DCC: variants seen among roughly 807,000 people sequenced by gnomAD.
The protein encoded by DCC is netrin receptor DCC.
DCC carries 58 observed loss-of-function variants against 172.5 expected under a neutral mutation model. That is an observed-to-expected ratio of 0.34 (90% CI 0.27 to 0.42). The LOEUF is 0.42. DCC is among the 10% of genes least tolerant of loss of function. DCC has a pLI of 1.00. For synonymous variants in DCC, 709 were observed against 644.5 expected (o/e 1.10, Z -1.52); for missense variants, 1,740 against 1,791.0 (o/e 0.97, Z 0.51).
chr18:53,452,950 C>T (rs2045434751), intron 23 of DCC, among the ~76,000 whole-genome samples: 2 of 152,048 alleles, frequency 1.3e-5, no homozygotes. Context: ...GAGTCTCACT[C>T]TATTGCCCAG....
intron 1 of DCC, among the ~76,000 whole-genome samples, chr18:52,516,030 T>C (rs2031629984): frequency 6.7e-6 from 1 of 149,194 alleles, no homozygotes; most frequent in South Asian, 2.1e-4. Flanking sequence ...ATTGGGGAAA[T>C]ATGAATGGAA....
At chr18:52,498,670 A>AT (rs1162669470) in intron 1 of DCC, among the ~76,000 whole-genome samples, 22 of 152,068 alleles carry the variant, frequency 1.4e-4, no homozygotes, top group African/African-American at 4.1e-4. Flanking sequence ...ATGAATATAT[A>AT]TTTTTTCTCA....
intron 22 of DCC, among the ~76,000 whole-genome samples, chr18:53,441,028 C>T (rs2145130015): frequency 6.6e-6 from 1 of 152,286 alleles, no homozygotes; most frequent in South Asian, 2.1e-4. Context: ...CTGGCCTTTA[C>T]CCACTGGATG....
chr18:53,066,253 T>G (rs528107402), intron 7 of DCC, 87 bp downstream of exon 7: 15 of 1,272,334 alleles, frequency 1.2e-5, no homozygotes, highest in Middle Eastern at 3.7e-4. Context: ...TTCCTACCCC[T>G]CAAGGGCAAT....
intron 1 of DCC, among the ~76,000 whole-genome samples, chr18:52,375,682 A>T (rs141825460): frequency 6.6e-6 from 1 of 152,148 alleles, no homozygotes; most frequent in East Asian, 1.9e-4. Context: ...TTTTAAATGG[A>T]AGTATAGTGG....
chr18:52,346,820 C>T (rs765827722), intron 1 of DCC, among the ~76,000 whole-genome samples: 3 of 152,154 alleles, frequency 2.0e-5, no homozygotes, highest in African/African-American at 7.2e-5. Flanking sequence ...GTAAATTCCA[C>T]GAGCCCAGTG....
At chr18:52,615,755 C>T (rs1050369505) in intron 1 of DCC, among the ~76,000 whole-genome samples, 2 of 152,044 alleles carry the variant, frequency 1.3e-5, no homozygotes, top group African/African-American at 2.4e-5. Context: ...TAAGACCCCT[C>T]CTAGGAGCCT....
At chr18:52,649,997 A>G (rs1342437951) in intron 1 of DCC, among the ~76,000 whole-genome samples, 10 of 65,018 alleles carry the variant, frequency 1.5e-4, no homozygotes, top group Admixed American at 6.3e-4. Flanking sequence ...TTTTTTTTTG[A>G]GATGGAGTAT....
intron 11 of DCC, among the ~76,000 whole-genome samples, chr18:53,208,216 A>C (rs964060746): frequency 2.9e-4 from 44 of 151,540 alleles, no homozygotes; most frequent in African/African-American, 1.1e-3. Context: ...TCAAGACTGC[A>C]GTAAGCTGTG....
At chr18:52,541,767 T>A (rs1385038990) in intron 1 of DCC, among the ~76,000 whole-genome samples, 1 of 151,418 alleles carries the variant, frequency 6.6e-6, no homozygotes, top group Non-Finnish European at 1.5e-5. Context: ...CTGGTCCCTC[T>A]CCACTTTATA....
chr18:53,195,506 T>C (rs1207948035), intron 9 of DCC, among the ~76,000 whole-genome samples: 3 of 152,200 alleles, frequency 2.0e-5, no homozygotes, highest in South Asian at 2.1e-4. Context: ...CAATACGAGA[T>C]GAAATGTGCG....
At chr18:53,299,839 TTTTATTTA>T (rs2057111948) in intron 12 of DCC, among the ~76,000 whole-genome samples, 1 of 152,204 alleles carries the variant, frequency 6.6e-6, no homozygotes, top group African/African-American at 2.4e-5. Flanking sequence ...TACATGTCTA[TTTTATTTA>T]ACCATTCTTG....
intron 1 of DCC, among the ~76,000 whole-genome samples, chr18:52,404,587 C>G (rs1332975900): frequency 6.6e-6 from 1 of 151,658 alleles, no homozygotes; most frequent in Non-Finnish European, 1.5e-5. Context: ...AGCCCTTATC[C>G]CTATATTGGT....
chr18:53,136,658 G>T (rs2043747337), intron 7 of DCC, among the ~76,000 whole-genome samples: 1 of 151,526 alleles, frequency 6.6e-6, no homozygotes, highest in African/African-American at 2.4e-5. Flanking sequence ...GAAACTTTAG[G>T]GTTGATAAGG....
intron 1 of DCC, among the ~76,000 whole-genome samples, chr18:52,641,720 A>G (rs151163215): frequency 0.031 from 4,643 of 152,030 alleles, 99 homozygotes; most frequent in Non-Finnish European, 0.043. Context: ...AAAACAGTAG[A>G]TGGTGGTGTG....
At chr18:53,354,778 C>G (rs2057857729) in intron 15 of DCC, among the ~76,000 whole-genome samples, 1 of 131,136 alleles carries the variant, frequency 7.6e-6, no homozygotes, top group Non-Finnish European at 1.6e-5. Context: ...TTCCATTTGT[C>G]AATTTTGGCT....
At chr18:52,672,122 A>G (rs1201034889) in intron 1 of DCC, among the ~76,000 whole-genome samples, 1 of 152,192 alleles carries the variant, frequency 6.6e-6, no homozygotes, top group Admixed American at 6.5e-5. Flanking sequence ...AAACAAAAAC[A>G]AAACAACAAT....
At chr18:53,218,756 A>G (rs1326500788) in intron 12 of DCC, among the ~76,000 whole-genome samples, 1 of 152,158 alleles carries the variant, frequency 6.6e-6, no homozygotes, top group Non-Finnish European at 1.5e-5. Context: ...GTTACGTTTT[A>G]TTAGGAAAAC....
chr18:52,488,423 G>A (rs1262963974), intron 1 of DCC, among the ~76,000 whole-genome samples: 1 of 152,076 alleles, frequency 6.6e-6, no homozygotes, highest in Non-Finnish European at 1.5e-5. Context: ...CATTAGGATA[G>A]GATAGGATAG....
Sources: gnomAD v4.1 joint callset for allele counts (sites outside exome capture counted in the v4.1 genomes callset) on GRCh38, gnomAD v4.1.1 for gene constraint, MANE v1.5 for transcripts, NCBI Gene and HGNC (gene_info 2026-07-23, HGNC 2026-07-21) for gene names.